GTF2A2: variants seen among roughly 807,000 people sequenced by gnomAD.
GTF2A2 encodes transcription initiation factor IIA subunit 2.
GTF2A2 carries 9 observed loss-of-function variants against 14.3 expected under a neutral mutation model. The observed-to-expected ratio is 0.63, with a 90% CI of 0.38 to 1.10. GTF2A2 has a LOEUF of 1.10. Ranked by LOEUF, GTF2A2 falls within the 50% of genes least tolerant of loss-of-function variation. GTF2A2 has a pLI of 0.01. For missense variants in GTF2A2, 90 were observed against 124.6 expected (o/e 0.72, Z 1.32); for synonymous variants, 56 against 46.0 (o/e 1.22, Z -0.88).
At chr15:59,650,604 T>A (rs549516377) in intron 3 of GTF2A2, 65 bp downstream of exon 3, 7 of 879,318 alleles carry the variant, frequency 8.0e-6, no homozygotes, top group South Asian at 4.5e-5. Flanking sequence ...GTAGGGGTCC[T>A]AAAAAAAAAT....
intron 1 of GTF2A2, among the ~76,000 whole-genome samples, chr15:59,655,463 C>G (rs1188921430): frequency 6.6e-6 from 1 of 152,160 alleles, no homozygotes; most frequent in African/African-American, 2.4e-5. Context: ...CTGATTACTC[C>G]CTCCTCTTTC....
At chr15:59,652,071 T>C (rs759396091) in intron 2 of GTF2A2, 135 bp downstream of exon 2, 1 of 594,616 alleles carries the variant, frequency 1.7e-6, no homozygotes, top group Non-Finnish European at 3.0e-6. Context: ...TGAGGTAATT[T>C]AATCAGTGTT....
At chr15:59,655,784 T>G (rs1228619736) in intron 1 of GTF2A2, among the ~76,000 whole-genome samples, 1 of 152,210 alleles carries the variant, frequency 6.6e-6, no homozygotes. Flanking sequence ...CTTAAAGAAC[T>G]CCATACTTCT....
intron 1 of GTF2A2, among the ~76,000 whole-genome samples, chr15:59,656,500 T>C (rs1372931690): frequency 1.3e-5 from 2 of 151,916 alleles, no homozygotes; most frequent in South Asian, 2.1e-4. Context: ...TCTAATAGAA[T>C]GTAAGCTCCA....
chr15:59,655,231 C>A lies in GTF2A2; in HGVS notation c.-50+2175G>T, dbSNP rs564771648. 6.6e-5 allele frequency among the ~76,000 whole-genome samples: 10 copies of A among 152,304 alleles called. No individual in the cohort carries two copies. In the East Asian group the frequency reaches 1.7e-3, roughly 26 times the overall value. ...CTTAAAAAGTAAAACAAAACAAAAA[C>A]CCCTCAACCCAAATCCCCTGCCAGC... On this transcript the variant is annotated intron_variant, in intron 1 of 4. Transcript: ENST00000396060.
rs766695301 is a variant in GTF2A2 at position 59,650,784 on chromosome 15, G to C, written c.73-11C>G. ...GGTGATCTGTTGAGACTGAGAAAAG[G>C]TAAAGGTCATAAATCCCGTTAAGGA... On this transcript the variant is annotated splice_polypyrimidine_tract_variant and intron_variant, in intron 2 of 4. Coordinates refer to ENST00000396060, the MANE Select transcript of GTF2A2 (RefSeq NM_004492.3). The C allele has an allele frequency of 7.1e-7, 1 of 1,411,810 alleles. No homozygotes were observed. The highest frequency in any genetic ancestry group is 1.7e-5 in the Admixed American group (1 of 58,352). The allele number at this position is 1,411,810 out of a possible 1,614,324, so 87.5% of individuals were successfully genotyped here. A position where few individuals can be genotyped will look rare whatever the true frequency, so the allele number is the denominator to read the frequency against.
chr15:59,657,047 G>A (rs1471849005), intron 1 of GTF2A2: 3 of 152,224 alleles, frequency 2.0e-5, no homozygotes, highest in African/African-American at 4.8e-5. Context: ...CAAAGCACAG[G>A]AATGAGACAT....
At chr15:59,643,069 A>G (rs1458830774) in intron 3 of GTF2A2, among the ~76,000 whole-genome samples, 2 of 128,266 alleles carry the variant, frequency 1.6e-5, no homozygotes, top group African/African-American at 3.0e-5. Context: ...CCTGGCCTAT[A>G]TAATTTTTTT....
chr15:59,639,107 T>G lies in GTF2A2; in HGVS notation c.*25A>C, dbSNP rs1566921724. 2 of 1,305,442 alleles carry G rather than the reference T, an allele frequency of 1.5e-6. No homozygotes were observed. Among genetic ancestry groups the G allele is most frequent in the Non-Finnish European group, 2.2e-6 (2 of 901,054 alleles). The allele number at this position is 1,305,442 out of a possible 1,614,324, so 80.9% of individuals were successfully genotyped here. On this transcript the variant is annotated 3_prime_UTR_variant, in exon 5 of 5. Coordinates refer to ENST00000396060, the MANE Select transcript of GTF2A2 (RefSeq NM_004492.3). ...AAAAGCAATGAATAACAGAAGATGG[T>G]GTAAAAAAGTCATATTTTTTCTATT...
chr15:59,648,157 C>T (rs912933459), intron 3 of GTF2A2, among the ~76,000 whole-genome samples: 1 of 152,090 alleles, frequency 6.6e-6, no homozygotes, highest in East Asian at 1.9e-4. Flanking sequence ...GCCTGTAATT[C>T]CAGCACTTTG....
intron 3 of GTF2A2, among the ~76,000 whole-genome samples, chr15:59,643,836 G>A (rs1257776196): frequency 2.0e-5 from 3 of 151,412 alleles, no homozygotes; most frequent in South Asian, 2.1e-4. Context: ...GACCTCAGGT[G>A]ATCTGCCCAC....
chr15:59,643,180 A>G (rs1891490478), intron 3 of GTF2A2, among the ~76,000 whole-genome samples: 1 of 148,404 alleles, frequency 6.7e-6, no homozygotes, highest in South Asian at 2.1e-4. Flanking sequence ...CCCAAGTTCA[A>G]GCTATTCTCC....
chr15:59,651,836 G>A (rs1347022892), intron 2 of GTF2A2: 4 of 170,216 alleles, frequency 2.3e-5, no homozygotes, highest in Non-Finnish European at 3.8e-5. Flanking sequence ...ATAGGCATGC[G>A]CCCACACCGA....
chr15:59,650,789 G>A lies in GTF2A2; in HGVS notation c.73-16C>T, dbSNP rs944581383. The A allele has an allele frequency of 2.3e-6, 3 of 1,325,972 alleles. No homozygotes were observed. Among genetic ancestry groups the A allele is most frequent in the Admixed American group, 1.7e-5 (1 of 57,452 alleles). 82.1% of individuals were successfully genotyped at this position (1,325,972 alleles called of 1,614,324 possible). Reference sequence around the variant, plus strand: ...TCTGTTGAGACTGAGAAAAGGTAAAGGTCATAAATCCCGTTAAGGAAGAAC... The same window carrying A: ...TCTGTTGAGACTGAGAAAAGGTAAAAGTCATAAATCCCGTTAAGGAAGAAC... On this transcript the variant is annotated splice_polypyrimidine_tract_variant and intron_variant, in intron 2 of 4. Transcript: ENST00000396060.
chr15:59,642,350 A>G, intron 3 of GTF2A2, 88 bp from the exon 4 acceptor site: 2 of 1,164,454 alleles, frequency 1.7e-6, no homozygotes, highest in Non-Finnish European at 2.4e-6. Flanking sequence ...TTAGCTACCA[A>G]GAACATAATA....
At chr15:59,649,528 T>A (rs1435558543) in intron 3 of GTF2A2, among the ~76,000 whole-genome samples, 2 of 152,216 alleles carry the variant, frequency 1.3e-5, no homozygotes, top group Admixed American at 1.3e-4. Context: ...CTGGGCAGAC[T>A]TCTGCATATG....
chr15:59,640,786 T>G (rs1891391286), intron 4 of GTF2A2, among the ~76,000 whole-genome samples: 2 of 152,122 alleles, frequency 1.3e-5, no homozygotes, highest in South Asian at 4.1e-4. Flanking sequence ...CAATTTCAAA[T>G]ATAGAAATGT....
At chr15:59,650,385 T>A (rs992138209) in intron 3 of GTF2A2, among the ~76,000 whole-genome samples, 1 of 152,182 alleles carries the variant, frequency 6.6e-6, no homozygotes, top group Non-Finnish European at 1.5e-5. Context: ...TTTCAGGTGT[T>A]TGGAATCTCA....
chr15:59,652,156 C>T, intron 2 of GTF2A2, 50 bp downstream of exon 2: 1 of 1,010,352 alleles, frequency 9.9e-7, no homozygotes, highest in Non-Finnish European at 1.6e-6. Flanking sequence ...ACAAGAATTA[C>T]TGTAAACCCA....
Sources: gnomAD v4.1 joint callset for allele counts (sites outside exome capture counted in the v4.1 genomes callset) on GRCh38, gnomAD v4.1.1 for gene constraint, MANE v1.5 for transcripts, NCBI Gene and HGNC (gene_info 2026-07-23, HGNC 2026-07-21) for gene names.